ATF7: variants seen among roughly 807,000 people sequenced by gnomAD.
The protein encoded by ATF7 is activating transcription factor 7, also known as cyclic AMP-dependent transcription factor ATF-7.
A neutral mutation model predicts 50.4 loss-of-function variants in ATF7; 10 were observed. The ratio of observed to expected loss-of-function variants is 0.20; its 90% CI spans 0.12 to 0.34. The LOEUF is 0.34. ATF7 is among the 10% of genes least tolerant of loss of function. The pLI is 1.00. For missense variants in ATF7, 465 were observed against 613.9 expected (o/e 0.76, Z 2.56); for synonymous variants, 201 against 226.4 (o/e 0.89, Z 1.01).
Position 53,568,715 on chromosome 12 carries a change from T to G in ATF7, c.49-16078A>C, listed in dbSNP as rs369876567. On this transcript the variant is annotated intron_variant, in intron 2 of 11. Coordinates refer to ENST00000420353, the MANE Select transcript of ATF7 (RefSeq NM_006856.3). ...TATCTTTGTGTCTAACCAGGAAAGC[T>G]CTGATAAGCTATCTTTAGTTTTACA... Among the ~76,000 whole-genome samples, 33 of 152,344 alleles carry G rather than the reference T, an allele frequency of 2.2e-4. 1 individual carries two copies. Among genetic ancestry groups the G allele is most frequent in the African/African-American group, 7.7e-4 (32 of 41,580 alleles).
At chr12:53,578,475 A>G (rs1338044031) in intron 2 of ATF7, among the ~76,000 whole-genome samples, 1 of 151,860 alleles carries the variant, frequency 6.6e-6, no homozygotes, top group Non-Finnish European at 1.5e-5. Context: ...ATCTTAAAAG[A>G]AGTTCTTTAG....
chr12:53,522,593 C>G (rs574521702), intron 11 of ATF7: 1 of 150,064 alleles, frequency 6.7e-6, no homozygotes, highest in African/African-American at 2.5e-5. Context: ...ATGTGCCGGG[C>G]GCGGTGGCTC....
At chr12:53,584,994 A>G (rs914373926) in intron 2 of ATF7, among the ~76,000 whole-genome samples, 3 of 152,132 alleles carry the variant, frequency 2.0e-5, no homozygotes, top group Non-Finnish European at 4.4e-5. Flanking sequence ...TATTGATTTG[A>G]CAGGAGTTCA....
intron 9 of ATF7, among the ~76,000 whole-genome samples, chr12:53,525,174 T>A (rs1938369416): frequency 6.6e-6 from 1 of 152,124 alleles, no homozygotes; most frequent in Admixed American, 6.5e-5. Context: ...GCTAACATGG[T>A]GAAACCTCAT....
chr12:53,527,492 T>TA (rs1217517153), intron 9 of ATF7, among the ~76,000 whole-genome samples: 1 of 145,250 alleles, frequency 6.9e-6, no homozygotes, highest in Non-Finnish European at 1.5e-5. Context: ...CAAAAACAAA[T>TA]AAAAAAAAGA....
chr12:53,597,794 G>C (rs1358190797), intron 2 of ATF7, among the ~76,000 whole-genome samples: 1 of 145,272 alleles, frequency 6.9e-6, no homozygotes, highest in East Asian at 2.0e-4. Context: ...GGGCGACAGA[G>C]TGGAACTCTG....
chr12:53,509,284 G>A (rs1033681008), downstream of ATF7, among the ~76,000 whole-genome samples: 2 of 152,034 alleles, frequency 1.3e-5, no homozygotes, highest in African/African-American at 4.8e-5. Flanking sequence ...TCCTCAAAAC[G>A]TTAGCTGTGA....
intron 3 of ATF7, among the ~76,000 whole-genome samples, chr12:53,551,392 C>T (rs748928972): frequency 1.3e-5 from 2 of 152,122 alleles, no homozygotes; most frequent in Non-Finnish European, 2.9e-5. Flanking sequence ...GAACTCCCAG[C>T]CTCAAGCAAT....
chr12:53,511,282 C>A (rs920204642), downstream of ATF7, among the ~76,000 whole-genome samples: 9 of 152,278 alleles, frequency 5.9e-5, no homozygotes, highest in Non-Finnish European at 1.3e-4. Flanking sequence ...GAGTTTCACT[C>A]TTGTTGCCCA....
intron 1 of ATF7, among the ~76,000 whole-genome samples, chr12:53,625,347 T>A (rs1944559971): frequency 6.6e-6 from 1 of 152,128 alleles, no homozygotes; most frequent in Non-Finnish European, 1.5e-5. Context: ...TCAACCCCCA[T>A]CCCAGCATCT....
At chr12:53,548,878 G>A (rs11170591) in intron 3 of ATF7, among the ~76,000 whole-genome samples, 2 of 152,258 alleles carry the variant, frequency 1.3e-5, no homozygotes, top group East Asian at 3.9e-4. Context: ...CCAGCTACTG[G>A]GGAGGGTGAG....
At chr12:53,549,218 C>T (rs1255389169) in intron 3 of ATF7, among the ~76,000 whole-genome samples, 7 of 148,162 alleles carry the variant, frequency 4.7e-5, no homozygotes, top group African/African-American at 1.3e-4. Flanking sequence ...ACCCGGGAAG[C>T]GCAGCTTGCA....
intron 3 of ATF7, among the ~76,000 whole-genome samples, chr12:53,549,295 AAAAG>A (rs1231456692): frequency 6.8e-6 from 1 of 147,592 alleles, no homozygotes; most frequent in Non-Finnish European, 1.5e-5. Context: ...TCAAAAAAAA[AAAAG>A]AAAGAAAAAA....
chr12:53,608,615 G>A (rs929941993), intron 1 of ATF7, among the ~76,000 whole-genome samples: 6 of 152,068 alleles, frequency 3.9e-5, no homozygotes, highest in Admixed American at 2.0e-4. Context: ...AGCAGGTACC[G>A]AATACCTTTC....
chr12:53,605,379 A>C lies in ATF7; in HGVS notation c.-21-4358T>G, dbSNP rs575512103. 2.9e-5 allele frequency among the ~76,000 whole-genome samples: 4 copies of C among 138,832 alleles called. No individual in the cohort carries two copies. The Admixed American group carries it at 2.9e-4, about 10-fold the overall frequency. 91.1% of individuals were successfully genotyped at this position (138,832 alleles called of 152,430 possible). A position where few individuals can be genotyped will look rare whatever the true frequency, so the allele number is the denominator to read the frequency against. On this transcript the variant is annotated intron_variant, in intron 1 of 11. Transcript: ENST00000420353. ...ACTCCAGCCTGGGCAACAAGAGTGA[A>C]ATTCTGTCTCAAAAAAAAAAAAAAA... is the stretch of plus-strand genomic sequence containing the variant.
rs944523736 is a variant in ATF7, at chr12:53,512,976, A to G, written c.*4161T>C. Reference sequence around the variant, plus strand: ...GGGCCTGAGAATGTGTATTTCTAACAAGTTCCCAGATTACTGTGGCACTGC... The same window carrying G: ...GGGCCTGAGAATGTGTATTTCTAACGAGTTCCCAGATTACTGTGGCACTGC... On this transcript the variant is annotated 3_prime_UTR_variant, in exon 12 of 12. Coordinates refer to ENST00000420353, the MANE Select transcript of ATF7 (RefSeq NM_006856.3). The G allele has an allele frequency of 1.2e-4, 19 of 152,144 alleles. No individual in the cohort carries two copies. The highest frequency in any genetic ancestry group is 5.9e-5 in the Non-Finnish European group (4 of 68,040). 9.4% of individuals were successfully genotyped at this position (152,144 alleles called of 1,614,324 possible). A position where few individuals can be genotyped will look rare whatever the true frequency, so the allele number is the denominator to read the frequency against.
At chr12:53,579,276 T>C (rs1032412313) in intron 2 of ATF7, among the ~76,000 whole-genome samples, 2 of 149,280 alleles carry the variant, frequency 1.3e-5, no homozygotes, top group Admixed American at 6.7e-5. Context: ...GGCTCACGCC[T>C]GCAATCCCAG....
chr12:53,573,064 C>T (rs1455318600), intron 2 of ATF7, among the ~76,000 whole-genome samples: 1 of 140,824 alleles, frequency 7.1e-6, no homozygotes, highest in Non-Finnish European at 1.5e-5. Context: ...AGATTACAGG[C>T]GTGAGCCACT....
At chr12:53,602,758 A>G (rs1034487951) in intron 1 of ATF7, among the ~76,000 whole-genome samples, 1 of 152,228 alleles carries the variant, frequency 6.6e-6, no homozygotes, top group African/African-American at 2.4e-5. Flanking sequence ...TCTTCTTCAC[A>G]CAGCCCCAGG....
Sources: allele counts gnomAD v4.1 joint callset (sites outside exome capture counted in the v4.1 genomes callset), GRCh38; gene constraint gnomAD v4.1.1; transcripts MANE v1.5; gene names NCBI Gene and HGNC (gene_info 2026-07-23, HGNC 2026-07-21).